Variants in TRIM44 observed in about 807,000 individuals in gnomAD.
The protein encoded by TRIM44 is tripartite motif-containing protein 44.
A neutral mutation model predicts 37.4 loss-of-function variants in TRIM44; 13 were observed. The observed-to-expected ratio is 0.35, with a 90% CI of 0.23 to 0.55. The LOEUF (loss-of-function observed/expected upper bound fraction) is 0.55. Among genes scored for constraint, TRIM44 ranks in the 20% least tolerant of loss-of-function variants. TRIM44 has a pLI of 0.89. For missense variants in TRIM44, 426 were observed against 437.2 expected (o/e 0.97, Z 0.23); for synonymous variants, 175 against 157.2 (o/e 1.11, Z -0.85).
At chr11:35,751,834 G>T (rs1001909092) in intron 4 of TRIM44, among the ~76,000 whole-genome samples, 3 of 152,184 alleles carry the variant, frequency 2.0e-5, no homozygotes, top group African/African-American at 7.2e-5. Flanking sequence ...ACAATTTACA[G>T]GATGTGCACG....
At chr11:35,771,970 A>G (rs1852878982) in intron 4 of TRIM44, among the ~76,000 whole-genome samples, 2 of 152,164 alleles carry the variant, frequency 1.3e-5, no homozygotes, top group African/African-American at 4.8e-5. Context: ...CCAGAGGTCT[A>G]GGAGAACATG....
rs954370368 is a variant in TRIM44, at chr11:35,753,229, T to G, written c.1007+17784T>G. 2.1e-4 allele frequency among the ~76,000 whole-genome samples: 32 copies of G among 152,176 alleles called. 1 individual carries two copies. Among genetic ancestry groups the G allele is most frequent in the African/African-American group, 7.0e-4 (29 of 41,444 alleles). Reference sequence around the variant, plus strand: ...GGGGGGGGAGTTAAATGAGCAAATGTATATGAGTCTTTTGAAAACATTAAG... The same window carrying G: ...GGGGGGGGAGTTAAATGAGCAAATGGATATGAGTCTTTTGAAAACATTAAG... On this transcript the variant is annotated intron_variant, in intron 4 of 4. Transcript: ENST00000299413.
intron 4 of TRIM44, among the ~76,000 whole-genome samples, chr11:35,749,923 A>G (rs893426897): frequency 6.6e-6 from 1 of 152,194 alleles, no homozygotes; most frequent in African/African-American, 2.4e-5. Context: ...TCATCAACAA[A>G]TAGGAGTGTA....
intron 4 of TRIM44, among the ~76,000 whole-genome samples, chr11:35,744,465 T>C (rs1852459657): frequency 6.6e-6 from 1 of 152,230 alleles, no homozygotes; most frequent in Admixed American, 6.5e-5. Context: ...TACACAATTC[T>C]TATTTGTCAA....
chr11:35,681,923 A>C (rs1851524353), intron 1 of TRIM44, among the ~76,000 whole-genome samples: 1 of 150,942 alleles, frequency 6.6e-6, no homozygotes, highest in African/African-American at 2.4e-5. Context: ...AGACCCAAAC[A>C]ACCCCATGCC....
chr11:35,793,300 G>A (rs182521640), intron 4 of TRIM44, among the ~76,000 whole-genome samples: 8 of 152,132 alleles, frequency 5.3e-5, no homozygotes, highest in South Asian at 2.1e-4. Flanking sequence ...TGGGGCAGCC[G>A]GATCACCTGA....
intron 2 of TRIM44, among the ~76,000 whole-genome samples, chr11:35,708,668 A>G (rs1179258260): frequency 6.6e-6 from 1 of 151,676 alleles, no homozygotes; most frequent in Non-Finnish European, 1.5e-5. Flanking sequence ...AGAACAAAAA[A>G]CCAAACACTG....
At chr11:35,674,634 A>G (rs1426326256) in intron 1 of TRIM44, among the ~76,000 whole-genome samples, 1 of 152,230 alleles carries the variant, frequency 6.6e-6, no homozygotes, top group Non-Finnish European at 1.5e-5. Flanking sequence ...AAACTATAAC[A>G]TATAGCTGGC....
At chr11:35,758,108 C>A (rs1852671958) in intron 4 of TRIM44, among the ~76,000 whole-genome samples, 1 of 152,124 alleles carries the variant, frequency 6.6e-6, no homozygotes, top group African/African-American at 2.4e-5. Flanking sequence ...GTGTTAAAGT[C>A]TCCCATTATT....
At chr11:35,744,460 A>G (rs1334572346) in intron 4 of TRIM44, among the ~76,000 whole-genome samples, 1 of 152,216 alleles carries the variant, frequency 6.6e-6, no homozygotes, top group Non-Finnish European at 1.5e-5. Context: ...AAATATACAC[A>G]ATTCTTATTT....
chr11:35,725,460 A>T lies in TRIM44; in HGVS notation c.748-464A>T, dbSNP rs1042281972. ...GCAATTCTCCTGCCTCAGCCTCCCA[A>T]GTAGCTGGGATTACAGGCACCCACC... On this transcript the variant is annotated intron_variant, in intron 2 of 4. Transcript: ENST00000299413. Among the ~76,000 whole-genome samples, 7 of 152,184 alleles carry T rather than the reference A, an allele frequency of 4.6e-5. No homozygotes were observed. In the East Asian group the frequency reaches 1.4e-3, roughly 29 times the overall value.
intron 4 of TRIM44, among the ~76,000 whole-genome samples, chr11:35,752,806 G>A (rs1424557692): frequency 2.0e-5 from 3 of 152,070 alleles, no homozygotes; most frequent in Admixed American, 6.6e-5. Flanking sequence ...TCGTTCTCTC[G>A]CTTCATCCAG....
intron 1 of TRIM44, among the ~76,000 whole-genome samples, chr11:35,673,290 T>C (rs1431140850): frequency 6.6e-6 from 1 of 152,216 alleles, no homozygotes; most frequent in Admixed American, 6.5e-5. Flanking sequence ...TATGACATCC[T>C]GTGAAGATCT....
chr11:35,708,557 A>G (rs906375994), intron 2 of TRIM44, among the ~76,000 whole-genome samples: 5 of 151,524 alleles, frequency 3.3e-5, no homozygotes, highest in African/African-American at 1.2e-4. Flanking sequence ...TGTGGCACAT[A>G]TACACCATGG....
chr11:35,803,015 G>A (rs968318203), intron 4 of TRIM44, among the ~76,000 whole-genome samples: 2 of 152,104 alleles, frequency 1.3e-5, no homozygotes, highest in Non-Finnish European at 2.9e-5. Flanking sequence ...TGAGGAAGAA[G>A]GGTAACATTT....
intron 2 of TRIM44, among the ~76,000 whole-genome samples, chr11:35,709,102 T>C (rs1590530057): frequency 6.6e-6 from 1 of 152,150 alleles, no homozygotes; most frequent in African/African-American, 2.4e-5. Flanking sequence ...TGCTGCAGTT[T>C]ATTTCCTTTG....
intron 2 of TRIM44, among the ~76,000 whole-genome samples, chr11:35,717,028 G>A (rs1489587910): frequency 6.6e-6 from 1 of 152,200 alleles, no homozygotes; most frequent in Non-Finnish European, 1.5e-5. Flanking sequence ...TGAATGAGGA[G>A]GGGAAGGGTT....
At chr11:35,698,002 A>G (rs2135498439) in intron 2 of TRIM44, among the ~76,000 whole-genome samples, 1 of 151,356 alleles carries the variant, frequency 6.6e-6, no homozygotes, top group East Asian at 2.0e-4. Context: ...TGGTATTTCT[A>G]GTTCTAGATC....
chr11:35,765,232 A>C (rs1046556112), intron 4 of TRIM44, among the ~76,000 whole-genome samples: 16 of 152,176 alleles, frequency 1.1e-4, no homozygotes, highest in African/African-American at 3.9e-4. Context: ...TGTATACCAG[A>C]TACTGTATGA....
Sources: gnomAD v4.1 joint callset for allele counts (sites outside exome capture counted in the v4.1 genomes callset) on GRCh38, gnomAD v4.1.1 for gene constraint, MANE v1.5 for transcripts, NCBI Gene and HGNC (gene_info 2026-07-23, HGNC 2026-07-21) for gene names.